BTAF1: variants seen among roughly 807,000 people sequenced by gnomAD.
BTAF1 encodes the protein TATA-binding protein-associated factor 172.
A neutral mutation model predicts 227.1 loss-of-function variants in BTAF1; 38 were observed. The observed-to-expected ratio is 0.17, with a 90% CI of 0.13 to 0.22. The LOEUF is 0.22. Ranked by LOEUF, BTAF1 falls within the 10% of genes least tolerant of loss-of-function variation. The probability of loss-of-function intolerance (pLI) is 1.00; values close to 1 mark genes in which losing one functional copy is unlikely to be tolerated. For synonymous variants in BTAF1, 742 were observed against 751.9 expected, an observed-to-expected ratio of 0.99 and a Z score of 0.21; for missense variants, 1,598 against 2,204.0, an observed-to-expected ratio of 0.73 and a Z score of 5.51.
chr10:91,987,277 A>G (rs968558195), intron 19 of BTAF1, among the ~76,000 whole-genome samples: 2 of 150,892 alleles, frequency 1.3e-5, no homozygotes, highest in African/African-American at 4.9e-5. Context: ...AGGTCAGGAG[A>G]TCAAGACCAT....
Position 92,028,938 on chromosome 10 carries a change from C to A in BTAF1, c.*5C>A. ...TTTATGCATTCTCTCAAGTAACTAT[C>A]AAATATTGTAAATGCAATTGCTGCT... On this transcript the variant is annotated 3_prime_UTR_variant, in exon 38 of 38. Coordinates refer to ENST00000265990, the MANE Select transcript of BTAF1 (RefSeq NM_003972.3). The A allele has an allele frequency of 1.3e-6, 2 of 1,566,766 alleles. No individual in the cohort carries two copies. The highest frequency in any genetic ancestry group is 1.2e-5 in the South Asian group (1 of 82,154).
At chr10:91,984,861 C>T (rs993857709) in intron 19 of BTAF1, among the ~76,000 whole-genome samples, 1 of 152,146 alleles carries the variant, frequency 6.6e-6, no homozygotes, top group African/African-American at 2.4e-5. Flanking sequence ...TACGTATTCA[C>T]CTGCCTACCT....
chr10:91,942,612 A>G (rs1222798822), intron 4 of BTAF1, 44 bp downstream of exon 4: 1 of 1,598,710 alleles, frequency 6.3e-7, no homozygotes, highest in Non-Finnish European at 8.6e-7. Context: ...TTGTTTTTTC[A>G]GACTAATTTG....
Position 92,018,951 on chromosome 10 carries a change from A to G in BTAF1, c.4863+16A>G. On this transcript the variant is annotated intron_variant, in intron 34 of 37. Coordinates refer to ENST00000265990, the MANE Select transcript of BTAF1 (RefSeq NM_003972.3). The stretch of plus-strand genomic sequence containing the variant: ...TTTGAAACAAGTATGTATGTCTTTT[A>G]AGTGTTAAATGTGTGTTGTACCCCA... The G allele has an allele frequency of 2.0e-6, 3 of 1,520,830 alleles. No homozygotes were observed. Among genetic ancestry groups the G allele is most frequent in the Non-Finnish European group, 2.6e-6 (3 of 1,135,484 alleles). 94.2% of individuals were successfully genotyped at this position (1,520,830 alleles called of 1,614,324 possible).
chr10:91,938,416 G>C (rs1164833362), intron 2 of BTAF1, among the ~76,000 whole-genome samples: 3 of 152,052 alleles, frequency 2.0e-5, no homozygotes, highest in African/African-American at 7.2e-5. Context: ...TGGGTTCTGT[G>C]GTCAGTTTTT....
chr10:92,006,712 C>G (rs906775392), intron 25 of BTAF1, among the ~76,000 whole-genome samples: 1 of 152,050 alleles, frequency 6.6e-6, no homozygotes, highest in African/African-American at 2.4e-5. Flanking sequence ...AGTTGTTTTC[C>G]TTTAAGTGAC....
intron 14 of BTAF1, among the ~76,000 whole-genome samples, chr10:91,972,517 A>T (rs761904593): frequency 3.9e-5 from 6 of 152,236 alleles, no homozygotes; most frequent in Non-Finnish European, 8.8e-5. Context: ...TCATTGTTTA[A>T]AGTCGTCATT....
rs184336232 is a variant in BTAF1 at position 91,945,103 on chromosome 10, C to T, written c.400+2535C>T. Reference sequence around the variant, plus strand: ...CAAAATCACTGAATGACACATTTCTCGGAATGTACTCATCATTAAATGGCA... The same window carrying T: ...CAAAATCACTGAATGACACATTTCTTGGAATGTACTCATCATTAAATGGCA... On this transcript the variant is annotated intron_variant, in intron 4 of 37. Coordinates refer to ENST00000265990, the MANE Select transcript of BTAF1 (RefSeq NM_003972.3). Among the ~76,000 whole-genome samples, 7 of 151,844 alleles carry T rather than the reference C, an allele frequency of 4.6e-5. No individual in the cohort carries two copies. The East Asian group carries it at 5.8e-4, about 13-fold the overall frequency.
intron 1 of BTAF1, among the ~76,000 whole-genome samples, chr10:91,930,512 C>G (rs191355423): frequency 6.6e-6 from 1 of 152,304 alleles, no homozygotes; most frequent in African/African-American, 2.4e-5. Context: ...TATGGTTTCA[C>G]ACCTTCATAT....
Position 91,989,485 on chromosome 10 carries a change from T to C in BTAF1, c.2759T>C (p.Ile920Thr), listed in dbSNP as rs758492244. ...TRTPCPNSKI[I>T]KNLCSSLCVD... is the part of the protein sequence containing the mutation. ...ACGCCCTGTCCCAATTCAAAAATTA[T>C]TAAAAACCTCTGTAGCTCACTTTGT... The change falls in exon 20 of 38, where the codon ATT becomes ACT. Residue 920 changes from isoleucine (I) to threonine (T), a missense_variant. This residue lies in a region of BTAF1 where 425 missense variants were observed against 491.2 expected (regional missense o/e 0.87). Transcript: ENST00000265990. The C allele has an allele frequency of 9.3e-6, 15 of 1,613,956 alleles. No homozygotes were observed. Among genetic ancestry groups the C allele is most frequent in the East Asian group, 2.2e-5 (1 of 44,892 alleles).
At chr10:91,970,992 G>A (rs1847256036) in intron 14 of BTAF1, among the ~76,000 whole-genome samples, 1 of 152,188 alleles carries the variant, frequency 6.6e-6, no homozygotes, top group Non-Finnish European at 1.5e-5. Flanking sequence ...TACAGAATGT[G>A]TTTTGAACAA....
rs1850137207 is a variant in BTAF1 at position 92,009,176 on chromosome 10, G to A, written c.4071G>A (p.Leu1357=). The part of the protein sequence containing the change: ...KFCSREYLNP[L]HYTGPPTERI... ...GCTCTAGAGAATATCTCAACCCGTTGCATTACACTGGACCTCCCACTGAAA... is the reference window on the plus strand; with the variant it reads ...GCTCTAGAGAATATCTCAACCCGTTACATTACACTGGACCTCCCACTGAAA... The change falls in exon 28 of 38, where the codon TTG becomes TTA. Residue 1357 remains leucine (L), a synonymous_variant. Coordinates refer to ENST00000265990, the MANE Select transcript of BTAF1 (RefSeq NM_003972.3). 6.2e-7 allele frequency: 1 copy of A among 1,614,072 alleles called. No individual in the cohort carries two copies. The highest frequency in any genetic ancestry group is 8.5e-7 in the Non-Finnish European group (1 of 1,179,988).
chr10:91,957,150 A>G, intron 7 of BTAF1, 75 bp from the exon 8 acceptor site: 17 of 1,263,446 alleles, frequency 1.3e-5, no homozygotes, highest in East Asian at 2.4e-5. Flanking sequence ...TAGAAATAAA[A>G]TTTATTAAGT....
chr10:91,942,264 A>G (rs1371950299), intron 3 of BTAF1, among the ~76,000 whole-genome samples, 158 bp from the exon 4 acceptor site: 1 of 148,542 alleles, frequency 6.7e-6, no homozygotes, highest in Non-Finnish European at 1.5e-5. Flanking sequence ...AGCCTGGGCA[A>G]CAGAGCAAGA....
At chr10:91,935,393 T>C (rs934450338) in intron 1 of BTAF1, among the ~76,000 whole-genome samples, 6 of 152,178 alleles carry the variant, frequency 3.9e-5, no homozygotes, top group African/African-American at 1.4e-4. Context: ...TCCCTCTTGC[T>C]TTTCCTACCC....
chr10:92,016,244 T>A (rs1850714922), intron 32 of BTAF1, 96 bp from the exon 33 acceptor site: 1 of 1,442,860 alleles, frequency 6.9e-7, no homozygotes. Flanking sequence ...GAGGGCTGAT[T>A]TAAATTACTG....
intron 14 of BTAF1, among the ~76,000 whole-genome samples, chr10:91,972,202 CTTTCTTGGT>C (rs1484272938): frequency 6.6e-6 from 1 of 152,130 alleles, no homozygotes; most frequent in African/African-American, 2.4e-5. Flanking sequence ...AAATTCCTGT[CTTTCTTGGT>C]TTTCTAATAC....
chr10:92,008,123 G>C lies in BTAF1; in HGVS notation c.3661G>C (p.Ala1221Pro). ...AATAACTTTAAAAAAATCATTTTAG[G>C]CAGGCATTCCAGACCCTCCAAACAT... ...ATLIRLMPLEAGIPDPPNMSA... is the reference protein window; with the variant it reads ...ATLIRLMPLEPGIPDPPNMSA... Residue 1221 changes from alanine (A) to proline (P), a missense_variant and splice_region_variant, in exon 26 of 38, where the codon GCA becomes CCA. By Grantham distance (27) the Ala-to-Pro change is conservative. Around this residue, in one of 10 missense-constraint regions of BTAF1, gnomAD observed 425 missense variants for 491.2 expected, o/e 0.87. Transcript: ENST00000265990. The C allele has an allele frequency of 6.4e-7, 1 of 1,567,020 alleles. No homozygotes were observed. The highest frequency in any genetic ancestry group is 8.6e-7 in the Non-Finnish European group (1 of 1,167,524).
At position 92,008,248 on chromosome 10, in the gene BTAF1, C is replaced by CA. The variant is rs1194369587; in HGVS notation, c.3788dup (p.Asn1263LysfsTer3). 6.3e-7 allele frequency: 1 copy of CA among 1,580,568 alleles called. No homozygotes were observed. The highest frequency in any genetic ancestry group is 2.3e-5 in the East Asian group (1 of 43,934). On this transcript the variant is annotated frameshift_variant, in exon 26 of 38. Coordinates refer to ENST00000265990, the MANE Select transcript of BTAF1 (RefSeq NM_003972.3). LOFTEE classifies it high-confidence loss of function. ...AAAATTATAAAATTCCAGTACCAAT[C>CA]AATGCTGAACTCAGAAAATATCAGC...
Sources: allele counts gnomAD v4.1 joint callset (sites outside exome capture counted in the v4.1 genomes callset), GRCh38; gene constraint gnomAD v4.1.1; regional missense constraint gnomAD v4.1.1; transcripts MANE v1.5; gene names NCBI Gene and HGNC (gene_info 2026-07-23, HGNC 2026-07-21).